CTNND2: variants seen among roughly 807,000 people sequenced by gnomAD.
The protein encoded by CTNND2 is catenin delta 2.
CTNND2 carries 22 observed loss-of-function variants against 144.4 expected under a neutral mutation model. The ratio of observed to expected loss-of-function variants is 0.15; its 90% CI spans 0.11 to 0.22. CTNND2 has a LOEUF of 0.22. Ranked by LOEUF, CTNND2 falls within the 10% of genes least tolerant of loss-of-function variation. The probability of loss-of-function intolerance (pLI) is 1.00; values close to 1 mark genes in which losing one functional copy is unlikely to be tolerated. For missense variants in CTNND2, 1,353 were observed against 1,618.8 expected, an observed-to-expected ratio of 0.84 and a Z score of 2.82; for synonymous variants, 751 against 695.6, an observed-to-expected ratio of 1.08 and a Z score of -1.25.
At chr5:11,758,344 G>T (rs1375178215) in intron 1 of CTNND2, among the ~76,000 whole-genome samples, 3 of 151,740 alleles carry the variant, frequency 2.0e-5, no homozygotes, top group Non-Finnish European at 4.4e-5. Context: ...ATAAATTTTT[G>T]TTTGATTAAA....
intron 3 of CTNND2, among the ~76,000 whole-genome samples, chr5:11,464,105 A>T (rs890767914): frequency 6.6e-6 from 1 of 152,222 alleles, no homozygotes; most frequent in Admixed American, 6.5e-5. Context: ...GATTTTGTTC[A>T]TTCATTCATC....
intron 12 of CTNND2, among the ~76,000 whole-genome samples, chr5:11,143,576 A>T (rs1756952877): frequency 6.6e-6 from 1 of 152,188 alleles, no homozygotes; most frequent in Non-Finnish European, 1.5e-5. Flanking sequence ...ATGATCAGTC[A>T]CATTGGATTG....
At chr5:11,383,573 T>C (rs1758743714) in intron 7 of CTNND2, among the ~76,000 whole-genome samples, 1 of 152,226 alleles carries the variant, frequency 6.6e-6, no homozygotes. Flanking sequence ...GCCTGCATCC[T>C]GTTAGGCCAG....
chr5:11,667,352 C>A (rs947112935), intron 2 of CTNND2, among the ~76,000 whole-genome samples: 8 of 152,200 alleles, frequency 5.3e-5, no homozygotes, highest in African/African-American at 1.7e-4. Context: ...ACTGTCTTCC[C>A]CAATGGTTGA....
At chr5:10,992,161 G>T (rs975779169) in intron 19 of CTNND2, among the ~76,000 whole-genome samples, 1 of 152,058 alleles carries the variant, frequency 6.6e-6, no homozygotes, top group East Asian at 1.9e-4. Flanking sequence ...CAGGCAATCC[G>T]CCTGCCTCAG....
chr5:11,666,539 G>A (rs912635544), intron 2 of CTNND2, among the ~76,000 whole-genome samples: 3 of 152,250 alleles, frequency 2.0e-5, no homozygotes, highest in African/African-American at 7.2e-5. Flanking sequence ...GAATATGTTT[G>A]GATAAAAGTA....
chr5:11,306,606 A>G, intron 9 of CTNND2, among the ~76,000 whole-genome samples: 1 of 152,176 alleles, frequency 6.6e-6, no homozygotes, highest in African/African-American at 2.4e-5. Context: ...TGCTTTCTTG[A>G]TCTGCTGTTT....
chr5:11,062,423 A>C (rs1747098755), intron 16 of CTNND2, among the ~76,000 whole-genome samples: 1 of 152,228 alleles, frequency 6.6e-6, no homozygotes, highest in Non-Finnish European at 1.5e-5. Flanking sequence ...TGTAGTCTTA[A>C]TTAGCTTCAA....
intron 3 of CTNND2, among the ~76,000 whole-genome samples, chr5:11,550,719 A>AT: frequency 6.6e-6 from 1 of 152,246 alleles, no homozygotes; most frequent in Non-Finnish European, 1.5e-5. Flanking sequence ...AATCTCTGAA[A>AT]TTTAACATTC....
chr5:11,671,396 G>A (rs1468815240), intron 2 of CTNND2, among the ~76,000 whole-genome samples: 1 of 152,040 alleles, frequency 6.6e-6, no homozygotes, highest in African/African-American at 2.4e-5. Context: ...CATTATCCCT[G>A]TCACTTTCAG....
At chr5:11,499,019 G>C (rs1178900348) in intron 3 of CTNND2, among the ~76,000 whole-genome samples, 2 of 152,066 alleles carry the variant, frequency 1.3e-5, no homozygotes, top group Admixed American at 1.3e-4. Context: ...CCTTTCTTCT[G>C]TGCAGGGTGT....
At chr5:11,149,971 T>A (rs1046154892) in intron 12 of CTNND2, among the ~76,000 whole-genome samples, 1 of 152,166 alleles carries the variant, frequency 6.6e-6, no homozygotes, top group Non-Finnish European at 1.5e-5. Flanking sequence ...TAAGGAGTAA[T>A]GACTTTTACT....
intron 2 of CTNND2, among the ~76,000 whole-genome samples, chr5:11,710,409 G>A (rs1027408282): frequency 9.2e-5 from 14 of 151,882 alleles, no homozygotes; most frequent in South Asian, 2.1e-4. Context: ...GCATGGTGGC[G>A]TGCGCCTGTA....
chr5:11,294,645 G>A (rs896450901), intron 9 of CTNND2, among the ~76,000 whole-genome samples: 33 of 152,160 alleles, frequency 2.2e-4, no homozygotes, highest in African/African-American at 3.1e-4. Context: ...TGATCAAGTC[G>A]GCTTCATCCC....
intron 9 of CTNND2, among the ~76,000 whole-genome samples, chr5:11,299,568 A>G (rs998273720): frequency 1.3e-5 from 2 of 152,166 alleles, no homozygotes; most frequent in African/African-American, 4.8e-5. Flanking sequence ...TCTATCGCTC[A>G]TCACCTTGAC....
chr5:11,443,055 A>G (rs188837518), intron 3 of CTNND2, among the ~76,000 whole-genome samples: 37 of 150,978 alleles, frequency 2.5e-4, no homozygotes, highest in African/African-American at 7.5e-4. Flanking sequence ...GTACACCTCA[A>G]CCAAACCCAC....
chr5:11,792,391 C>A (rs993362237), intron 1 of CTNND2, among the ~76,000 whole-genome samples: 2 of 152,198 alleles, frequency 1.3e-5, no homozygotes, highest in African/African-American at 2.4e-5. Context: ...TTGTAACTAG[C>A]AAAACTAGTT....
At chr5:11,411,438 C>G in intron 5 of CTNND2, 98 bp downstream of exon 5, 1 of 679,622 alleles carries the variant, frequency 1.5e-6, no homozygotes, top group South Asian at 1.9e-5. Flanking sequence ...TCCTGAAATC[C>G]TCATTTGATA....
At chr5:11,723,012 C>A (rs1417429030) in intron 2 of CTNND2, among the ~76,000 whole-genome samples, 2 of 152,142 alleles carry the variant, frequency 1.3e-5, no homozygotes, top group South Asian at 4.1e-4. Context: ...AAAAAGCATA[C>A]AAAATAAGCA....
Sources: allele counts gnomAD v4.1 joint callset (sites outside exome capture counted in the v4.1 genomes callset), GRCh38; gene constraint gnomAD v4.1.1; transcripts MANE v1.5; gene names NCBI Gene and HGNC (gene_info 2026-07-23, HGNC 2026-07-21).